Variants in INPP5A observed in about 807,000 individuals in gnomAD.
The protein encoded by INPP5A is inositol polyphosphate-5-phosphatase A.
A neutral mutation model predicts 65.2 loss-of-function variants in INPP5A; 14 were observed. The observed-to-expected ratio is 0.21, with a 90% confidence interval of 0.14 to 0.34. The LOEUF (loss-of-function observed/expected upper bound fraction) is 0.34. Among genes scored for constraint, INPP5A ranks in the 10% least tolerant of loss-of-function variants. The pLI, the probability that INPP5A is intolerant of heterozygous loss-of-function variation, is 1.00. For missense variants in INPP5A, 431 were observed against 545.6 expected (o/e 0.79, Z 2.09); for synonymous variants, 207 against 208.3 (o/e 0.99, Z 0.05).
chr10:132,742,606 G>A (rs938914487), intron 9 of INPP5A, among the ~76,000 whole-genome samples: 1 of 152,218 alleles, frequency 6.6e-6, no homozygotes, highest in Non-Finnish European at 1.5e-5. Flanking sequence ...AGTCATTGCT[G>A]TTCTTCAGGG....
intron 2 of INPP5A, among the ~76,000 whole-genome samples, chr10:132,621,050 G>A (rs892380653): frequency 2.0e-5 from 3 of 152,168 alleles, no homozygotes; most frequent in African/African-American, 4.8e-5. Flanking sequence ...TGCAGAAAAC[G>A]CATTTGACAC....
intron 2 of INPP5A, among the ~76,000 whole-genome samples, chr10:132,632,284 C>A (rs1315761138): frequency 6.6e-6 from 1 of 152,238 alleles, no homozygotes; most frequent in Non-Finnish European, 1.5e-5. Flanking sequence ...TGGCTTTCTG[C>A]AGCTGCCTAG....
intron 8 of INPP5A, among the ~76,000 whole-genome samples, chr10:132,714,779 G>T (rs1005886823): frequency 2.0e-5 from 3 of 152,262 alleles, no homozygotes; most frequent in Admixed American, 6.5e-5. Context: ...GCCCCAGGGC[G>T]AGTGCTGCGG....
rs1205851028 is a variant in INPP5A at position 132,663,693 on chromosome 10, G to A, written c.306+13188G>A. 6.6e-6 allele frequency among the ~76,000 whole-genome samples: 1 copy of A among 152,222 alleles called. No individual in the cohort carries two copies. The highest frequency in any genetic ancestry group is 1.5e-5 in the Non-Finnish European group (1 of 68,050). On this transcript the variant is annotated intron_variant, in intron 4 of 15. Transcript: ENST00000368594. This position sits in a 1 kb window ranked among gnomAD's most constrained non-coding sequence, Gnocchi z 4.5. ...GGTTTGCAGTGGAGTCTGTGCCTGT[G>A]GCAGCCGTCTGCATGACTTTGGGTC...
At chr10:132,780,508 C>T (rs1847141457) in intron 13 of INPP5A, among the ~76,000 whole-genome samples, 1 of 152,026 alleles carries the variant, frequency 6.6e-6, no homozygotes, top group South Asian at 2.1e-4. Flanking sequence ...CTGCAACTCC[C>T]CTGAGAGCCC....
At chr10:132,717,977 G>A (rs370335842) in intron 8 of INPP5A, among the ~76,000 whole-genome samples, 2,790 of 127,196 alleles carry the variant, frequency 0.022, 30 homozygotes, top group South Asian at 0.049. Context: ...GTTCTTTCTG[G>A]GGGCGCCTTA....
intron 4 of INPP5A, among the ~76,000 whole-genome samples, chr10:132,686,934 G>A (rs1403667297): frequency 6.6e-6 from 1 of 152,182 alleles, no homozygotes; most frequent in African/African-American, 2.4e-5. Context: ...ATGAACACTG[G>A]CTTTTTAATT....
chr10:132,696,797 G>A (rs1845351144), intron 5 of INPP5A, among the ~76,000 whole-genome samples: 1 of 152,162 alleles, frequency 6.6e-6, no homozygotes, highest in South Asian at 2.1e-4. Context: ...ACAGCACCCA[G>A]GGCCAGGTCA....
chr10:132,688,212 T>C (rs1845173471), intron 4 of INPP5A, among the ~76,000 whole-genome samples: 1 of 152,146 alleles, frequency 6.6e-6, no homozygotes, highest in Non-Finnish European at 1.5e-5. Flanking sequence ...ACTGGCACGA[T>C]TGGCCCTCAG....
chr10:132,740,559 C>T (rs574757560), intron 9 of INPP5A, among the ~76,000 whole-genome samples: 2 of 152,258 alleles, frequency 1.3e-5, no homozygotes, highest in African/African-American at 4.8e-5. Flanking sequence ...TAATGATTTC[C>T]TATTAACTCG....
At chr10:132,700,064 G>A (rs930468377) in intron 6 of INPP5A, among the ~76,000 whole-genome samples, 1 of 152,294 alleles carries the variant, frequency 6.6e-6, no homozygotes, top group East Asian at 1.9e-4. Context: ...TAGCACGAGG[G>A]GCCGCCCCTC....
At chr10:132,642,987 T>C (rs998138142) in intron 2 of INPP5A, among the ~76,000 whole-genome samples, 2 of 152,228 alleles carry the variant, frequency 1.3e-5, no homozygotes, top group Non-Finnish European at 2.9e-5. Flanking sequence ...CAGGTCGCTC[T>C]GTGGGAGATG....
chr10:132,698,064 C>CCA lies in INPP5A; in HGVS notation c.474+146_474+147dup. On this transcript the variant is annotated intron_variant, in intron 6 of 15. Coordinates refer to ENST00000368594, the MANE Select transcript of INPP5A (RefSeq NM_005539.5). The surrounding 1 kb of genome is among the most constrained non-coding windows in gnomAD (Gnocchi z 5.5). ...TCCGATAATCTGTCTTCCTGGGAGT[C>CCA]CAGGCTTCTGTGGTTGGTCTGGGCT... is the stretch of plus-strand genomic sequence containing the variant. 3 of 653,250 alleles carry CCA rather than the reference C, an allele frequency of 4.6e-6. No homozygotes were observed. The highest frequency in any genetic ancestry group is 8.4e-6 in the Non-Finnish European group (3 of 358,462). The allele number at this position is 653,250 out of a possible 1,614,324, so 40.5% of individuals were successfully genotyped here. A position where few individuals can be genotyped will look rare whatever the true frequency, so the allele number is the denominator to read the frequency against.
At chr10:132,759,212 G>A (rs1009686245) in intron 11 of INPP5A, among the ~76,000 whole-genome samples, 1 of 152,190 alleles carries the variant, frequency 6.6e-6, no homozygotes, top group East Asian at 1.9e-4. Context: ...TCCTTAGGGG[G>A]ACAGGAAGTC....
intron 2 of INPP5A, among the ~76,000 whole-genome samples, chr10:132,617,314 C>G (rs1273301383): frequency 6.6e-6 from 1 of 152,188 alleles, no homozygotes; most frequent in Admixed American, 6.5e-5. Context: ...CAAAGCCACC[C>G]TGTGGCTCTC....
At chr10:132,660,332 G>T (rs1419139222) in intron 4 of INPP5A, among the ~76,000 whole-genome samples, 1 of 152,198 alleles carries the variant, frequency 6.6e-6, no homozygotes, top group Non-Finnish European at 1.5e-5. Flanking sequence ...ACAATCAAAA[G>T]AAAATAATTG....
intron 8 of INPP5A, among the ~76,000 whole-genome samples, chr10:132,718,092 C>T (rs1279932530): frequency 5.5e-4 from 81 of 147,898 alleles, no homozygotes; most frequent in African/African-American, 1.9e-3. Context: ...GTGCCTTAGA[C>T]GGCCGTCTTC....
rs1037658274 is a variant in INPP5A, at chr10:132,546,694, T to C, written c.75+8523T>C. Among the ~76,000 whole-genome samples, 1 of 152,148 alleles carries C rather than the reference T, an allele frequency of 6.6e-6. No individual in the cohort carries two copies. Among genetic ancestry groups the C allele is most frequent in the African/African-American group, 2.4e-5 (1 of 41,436 alleles). ...CTGGCTCCTGCAGATCTGTGTAGCC[T>C]GCACTGAACTGCCCCTCTTCCTGGG... On this transcript the variant is annotated intron_variant, in intron 1 of 15. Transcript: ENST00000368594. This position sits in a 1 kb window ranked among gnomAD's most constrained non-coding sequence, Gnocchi z 5.7.
chr10:132,660,822 G>T (rs948418809), intron 4 of INPP5A, among the ~76,000 whole-genome samples: 17 of 152,342 alleles, frequency 1.1e-4, no homozygotes, highest in African/African-American at 3.6e-4. Context: ...CAAACGTAGA[G>T]TCCTCTGATA....
Sources: gnomAD v4.1 joint callset for allele counts (sites outside exome capture counted in the v4.1 genomes callset) on GRCh38, gnomAD v4.1.1 for gene constraint, Gnocchi (gnomAD v3.1) non-coding constraint, MANE v1.5 for transcripts, NCBI Gene and HGNC (gene_info 2026-07-23, HGNC 2026-07-21) for gene names.